Variants in ABL2 observed in about 807,000 individuals in gnomAD.
ABL2 encodes the protein ABL proto-oncogene 2, non-receptor tyrosine kinase, also known as tyrosine-protein kinase ABL2.
Under a neutral mutation model 107.7 loss-of-function variants are expected in ABL2, and 49 were observed. The ratio of observed to expected loss-of-function variants is 0.45; its 90% CI spans 0.36 to 0.58. The LOEUF is 0.58. Ranked by LOEUF, ABL2 falls within the 20% of genes least tolerant of loss-of-function variation. The pLI is 0.00. For missense variants in ABL2, 1,245 were observed against 1,457.0 expected (o/e 0.85, Z 2.37); for synonymous variants, 549 against 548.6 (o/e 1.00, Z -0.01).
intron 1 of ABL2, among the ~76,000 whole-genome samples, chr1:179,228,031 C>A (rs1663321207): frequency 9.1e-6 from 1 of 109,412 alleles, no homozygotes; most frequent in African/African-American, 3.7e-5. Context: ...GCCTGGGCGA[C>A]AGAATGAGAC....
At chr1:179,141,295 A>G (rs1657567593) in intron 1 of ABL2, among the ~76,000 whole-genome samples, 2 of 143,586 alleles carry the variant, frequency 1.4e-5, no homozygotes, top group African/African-American at 5.5e-5. Context: ...TGTCTTTAAG[A>G]AAAAAAAAAA....
At chr1:179,180,232 C>T (rs945194635) in intron 1 of ABL2, among the ~76,000 whole-genome samples, 2 of 152,092 alleles carry the variant, frequency 1.3e-5, no homozygotes, top group Non-Finnish European at 1.5e-5. Flanking sequence ...GCCTCAGGAG[C>T]ATGTATGAGA....
chr1:179,206,612 C>T (rs1661984293), intron 1 of ABL2, among the ~76,000 whole-genome samples: 1 of 150,732 alleles, frequency 6.6e-6, no homozygotes. Context: ...GGAGAATATA[C>T]ACGGATACAG....
At chr1:179,138,381 G>A (rs1657237979) in intron 1 of ABL2, among the ~76,000 whole-genome samples, 1 of 152,280 alleles carries the variant, frequency 6.6e-6, no homozygotes, top group Middle Eastern at 3.4e-3. Context: ...TTACAAGCAC[G>A]AGCCACCGCG....
intron 1 of ABL2, among the ~76,000 whole-genome samples, chr1:179,165,985 C>CG (rs1309416360): frequency 1.3e-4 from 20 of 151,796 alleles, no homozygotes; most frequent in Admixed American, 1.3e-3. Flanking sequence ...ACAGTAGAGA[C>CG]GGGGTTTTAC....
intron 1 of ABL2, among the ~76,000 whole-genome samples, chr1:179,183,262 A>G (rs1232553505): frequency 1.3e-5 from 2 of 152,134 alleles, no homozygotes; most frequent in African/African-American, 4.8e-5. Flanking sequence ...GAAATTACTT[A>G]ATGCGTACAA....
chr1:179,109,113 A>T lies in ABL2; in HGVS notation c.2154T>A (p.Tyr718Ter). The T allele has an allele frequency of 7.5e-7, 1 of 1,331,944 alleles. No homozygotes were observed. Among genetic ancestry groups the T allele is most frequent in the African/African-American group, 1.8e-5 (1 of 54,756 alleles). The allele number at this position is 1,331,944 out of a possible 1,614,324, so 82.5% of individuals were successfully genotyped here. A position where few individuals can be genotyped will look rare whatever the true frequency, so the allele number is the denominator to read the frequency against. ...GGTTCCTCTGTGCAAAGCTCCCCCC[A>T]TAGCACTTGGGTGGCACCAGATTCG... is the stretch of plus-strand genomic sequence containing the variant. ...QEANLVPPKC[Y>*]GGSFAQRNLC... Residue 718 changes from tyrosine (Y) to a stop codon, truncating the protein, a stop_gained, in exon 12 of 12, where the codon TAT (tyrosine) becomes TAA (stop). Transcript: ENST00000502732. LOFTEE classifies it high-confidence loss of function.
At chr1:179,183,245 G>C (rs1465536595) in intron 1 of ABL2, among the ~76,000 whole-genome samples, 1 of 152,070 alleles carries the variant, frequency 6.6e-6, no homozygotes, top group African/African-American at 2.4e-5. Context: ...CGGGAGGTGA[G>C]GGATGAGAAA....
Position 179,143,115 on chromosome 1 carries a change from C to T in ABL2, c.158-9741G>A, listed in dbSNP as rs1472504601. On this transcript the variant is annotated intron_variant, in intron 1 of 11. Coordinates refer to ENST00000502732, the MANE Select transcript of ABL2 (RefSeq NM_007314.4). Reference sequence around the variant, plus strand: ...GAAGTCTTAGAATTCCATTCTCTGACAAGCAATACCACATGCATGTGACAT... The same window carrying T: ...GAAGTCTTAGAATTCCATTCTCTGATAAGCAATACCACATGCATGTGACAT... 5.8e-6 allele frequency: 9 copies of T among 1,565,062 alleles called. No individual in the cohort carries two copies. The Admixed American group carries it at 1.5e-4, about 26-fold the overall frequency.
In ABL2 at chr1:179,121,617, G is replaced by C. The variant is rs767863031; in HGVS notation, c.938C>G (p.Thr313Arg). ...CACCTTCAATGTTTTCACAGCAACT[G>C]TAAGGCTGTATTTCTTCCAGACGCC... ...YVGVWKKYSL[T>R]VAVKTLKEDT... Residue 313 changes from threonine to arginine, a missense_variant, in exon 5 of 12, where the codon ACA becomes AGA. Around this residue, in one of 3 missense-constraint regions of ABL2, gnomAD observed 320 missense variants for 547.0 expected, o/e 0.59. Coordinates refer to ENST00000502732, the MANE Select transcript of ABL2 (RefSeq NM_007314.4). The C allele has an allele frequency of 1.9e-6, 3 of 1,614,174 alleles. No homozygotes were observed. The highest frequency in any genetic ancestry group is 2.5e-6 in the Non-Finnish European group (3 of 1,179,986).
intron 1 of ABL2, among the ~76,000 whole-genome samples, chr1:179,136,064 C>A (rs1200246581): frequency 6.9e-6 from 1 of 144,672 alleles, no homozygotes; most frequent in African/African-American, 2.6e-5. Flanking sequence ...CCCGGCCAGC[C>A]GCCCCGTCCA....
rs1210006460 is a variant in ABL2 at position 179,217,097 on chromosome 1, A to C, written c.157+12144T>G. Among the ~76,000 whole-genome samples the C allele has an allele frequency of 1.1e-4, 16 of 148,928 alleles. No individual in the cohort carries two copies. In the South Asian group the frequency reaches 3.7e-3, roughly 34 times the overall value. On this transcript the variant is annotated intron_variant, in intron 1 of 11. Transcript: ENST00000502732. The stretch of plus-strand genomic sequence containing the variant: ...GATCACTTGAGGTCAGGAGTTCAAG[A>C]CCAGCCTGGCCAACGTGGTGAAACC...
At chr1:179,163,251 C>A (rs1490046421) in intron 1 of ABL2, among the ~76,000 whole-genome samples, 1 of 152,136 alleles carries the variant, frequency 6.6e-6, no homozygotes, top group Non-Finnish European at 1.5e-5. Flanking sequence ...AGCAAGCAGA[C>A]CAACTGGAAC....
chr1:179,100,151 T>C lies in ABL2; in HGVS notation c.*7567A>G. The C allele has an allele frequency of 8.7e-6, 2 of 230,828 alleles. No homozygotes were observed. Among genetic ancestry groups the C allele is most frequent in the Non-Finnish European group, 1.7e-5 (2 of 116,528 alleles). The allele number at this position is 230,828 out of a possible 1,614,324, so 14.3% of individuals were successfully genotyped here. A position where few individuals can be genotyped will look rare whatever the true frequency, so the allele number is the denominator to read the frequency against. ...TAGTTTCTGAATACTGATTGACAAT[T>C]GGCCTAATCATGGTGATTTCTCAAG... On this transcript the variant is annotated 3_prime_UTR_variant, in exon 12 of 12. Coordinates refer to ENST00000502732, the MANE Select transcript of ABL2 (RefSeq NM_007314.4).
chr1:179,186,256 T>C (rs1319560053), intron 1 of ABL2, among the ~76,000 whole-genome samples: 2 of 151,986 alleles, frequency 1.3e-5, no homozygotes, highest in African/African-American at 4.8e-5. Context: ...AAAAAAAAAT[T>C]GGCAATGCCC....
In ABL2 at chr1:179,107,849, C is replaced by G; in HGVS notation, c.3418G>C (p.Val1140Leu). ...TGCAGGCTGAGTTCCAGTTTGCTCA[C>G]AGCCTCTCGGAAGGCAAATTTGTTG... ...TRNKFAFREA[V>L]SKLELSLQEL... is the part of the protein sequence containing the mutation. Residue 1140 changes from valine (V) to leucine (L), a missense_variant, in exon 12 of 12, where the codon GTG (valine) becomes CTG (leucine). Transcript: ENST00000502732. The G allele has an allele frequency of 1.9e-6, 3 of 1,614,214 alleles. No homozygotes were observed. Among genetic ancestry groups the G allele is most frequent in the Non-Finnish European group, 2.5e-6 (3 of 1,180,042 alleles).
intron 2 of ABL2, 84 bp downstream of exon 2, chr1:179,133,228 C>T: frequency 6.3e-7 from 1 of 1,580,750 alleles, no homozygotes; most frequent in Non-Finnish European, 8.6e-7. Flanking sequence ...TTTGTGGTTC[C>T]ATTTATTTTC....
Position 179,108,052 on chromosome 1 carries a change from G to A in ABL2, c.3215C>T (p.Thr1072Ile), listed in dbSNP as rs1231949214. The A allele has an allele frequency of 6.2e-7, 1 of 1,614,196 alleles. No individual in the cohort carries two copies. The highest frequency in any genetic ancestry group is 8.5e-7 in the Non-Finnish European group (1 of 1,180,042). Residue 1072 changes from threonine to isoleucine, a missense_variant, in exon 12 of 12, where the codon ACC becomes ATC. Thr to Ile is a moderately conservative substitution (Grantham distance 89). Transcript: ENST00000502732. ...TGAGATTTTCTCAGCGGCCTGTTTG[G>A]TTTTTCTCAGAGCCACTTTAGTACC... ...TAGTKVALRK[T>I]KQAAEKISAD...
chr1:179,148,744 A>G (rs1353883843), intron 1 of ABL2, among the ~76,000 whole-genome samples: 3 of 152,072 alleles, frequency 2.0e-5, no homozygotes, highest in Non-Finnish European at 4.4e-5. Context: ...TACTAAAAAT[A>G]CAAAAATTAG....
Sources: gnomAD v4.1 joint callset for allele counts (sites outside exome capture counted in the v4.1 genomes callset) on GRCh38, gnomAD v4.1.1 for gene constraint, gnomAD v4.1.1 regional missense constraint, MANE v1.5 for transcripts, NCBI Gene and HGNC (gene_info 2026-07-23, HGNC 2026-07-21) for gene names.